PTPRN2: variants seen among roughly 807,000 people sequenced by gnomAD.
The protein encoded by PTPRN2 is protein tyrosine phosphatase receptor type N2, also known as receptor-type tyrosine-protein phosphatase N2.
Under a neutral mutation model 118.8 loss-of-function variants are expected in PTPRN2, and 74 were observed. The observed-to-expected ratio is 0.62, with a 90% confidence interval of 0.52 to 0.76. The LOEUF (loss-of-function observed/expected upper bound fraction) is 0.76. PTPRN2 is among the 30% of genes least tolerant of loss of function. The probability of loss-of-function intolerance (pLI) is 0.00; values close to 1 mark genes in which losing one functional copy is unlikely to be tolerated. For synonymous variants in PTPRN2, 641 were observed against 608.0 expected, an observed-to-expected ratio of 1.05 and a Z score of -0.80; for missense variants, 1,481 against 1,394.4, an observed-to-expected ratio of 1.06 and a Z score of -0.99.
chr7:158,303,514 C>G (rs1801048862), intron 3 of PTPRN2, among the ~76,000 whole-genome samples: 1 of 152,176 alleles, frequency 6.6e-6, no homozygotes, highest in Non-Finnish European at 1.5e-5. Context: ...ATGCATTATA[C>G]TAATTTACCA....
chr7:157,778,099 G>A (rs927543323), intron 12 of PTPRN2, among the ~76,000 whole-genome samples: 1 of 152,102 alleles, frequency 6.6e-6, no homozygotes, highest in Admixed American at 6.6e-5. Context: ...AGCAAACTCC[G>A]CGGTGACACC....
chr7:157,799,532 A>C (rs908287188), intron 12 of PTPRN2, among the ~76,000 whole-genome samples: 1 of 152,040 alleles, frequency 6.6e-6, no homozygotes, highest in Non-Finnish European at 1.5e-5. Context: ...GTCCTGCCCC[A>C]GCTCCATGTG....
At chr7:157,949,213 A>C (rs760012429) in intron 11 of PTPRN2, among the ~76,000 whole-genome samples, 1 of 152,238 alleles carries the variant, frequency 6.6e-6, no homozygotes, top group Non-Finnish European at 1.5e-5. Context: ...TAGGATCCAA[A>C]GTTGAAAGTA....
rs746766133 is a variant in PTPRN2 at position 158,526,197 on chromosome 7, G to A, written c.113-36412C>T. On this transcript the variant is annotated intron_variant, in intron 1 of 22. Transcript: ENST00000389418. The surrounding 1 kb of genome is among the most constrained non-coding windows in gnomAD (Gnocchi z 5.2). ...CGGCTCCTGGTGTTGGCAGGGTGCCGGCGGAATCCAGGGCAGGATTCACTT... is the reference window on the plus strand; with the variant it reads ...CGGCTCCTGGTGTTGGCAGGGTGCCAGCGGAATCCAGGGCAGGATTCACTT... Among the ~76,000 whole-genome samples the A allele has an allele frequency of 2.0e-5, 3 of 152,164 alleles. No homozygotes were observed. The highest frequency in any genetic ancestry group is 4.8e-5 in the African/African-American group (2 of 41,452).
At chr7:158,336,370 A>G (rs1413592920) in intron 2 of PTPRN2, among the ~76,000 whole-genome samples, 1 of 136,334 alleles carries the variant, frequency 7.3e-6, no homozygotes, top group African/African-American at 2.8e-5. Context: ...TCACCATAAG[A>G]GCTGACACAT....
intron 14 of PTPRN2, among the ~76,000 whole-genome samples, chr7:157,631,660 G>A (rs187159079): frequency 1.9e-4 from 29 of 151,992 alleles, no homozygotes; most frequent in Admixed American, 1.9e-3. Flanking sequence ...GTGAAACCCC[G>A]TCTCTGCTAA....
intron 8 of PTPRN2, 27 bp from the exon 9 acceptor site, chr7:158,134,086 A>T: frequency 6.3e-7 from 1 of 1,597,490 alleles, no homozygotes; most frequent in Non-Finnish European, 8.5e-7. Context: ...TCCGTGAGGG[A>T]CGTCTGCGAA....
chr7:157,930,335 A>G lies in PTPRN2; in HGVS notation c.1724-31598T>C, dbSNP rs1369383158. On this transcript the variant is annotated intron_variant, in intron 11 of 22. Transcript: ENST00000389418. ...CTTATTTTATCACAAACGTTGCATA[A>G]TAAAACATTCCTGGTGCCCCTCGTG... Among the ~76,000 whole-genome samples, 3 of 152,212 alleles carry G rather than the reference A, an allele frequency of 2.0e-5. No homozygotes were observed. The East Asian group carries it at 5.8e-4, about 29-fold the overall frequency.
intron 11 of PTPRN2, among the ~76,000 whole-genome samples, chr7:157,992,856 G>C (rs1168180101): frequency 2.0e-5 from 3 of 152,266 alleles, no homozygotes; most frequent in Admixed American, 6.5e-5. Context: ...TTCTGCTCAG[G>C]AAGCATAGAC....
chr7:158,506,698 C>T (rs953814845), intron 1 of PTPRN2, among the ~76,000 whole-genome samples: 8 of 151,868 alleles, frequency 5.3e-5, no homozygotes, highest in Admixed American at 2.6e-4. Context: ...GGAAGGGCCC[C>T]GATCCTCCCC....
chr7:157,698,512 G>A, intron 12 of PTPRN2, among the ~76,000 whole-genome samples: 1 of 152,184 alleles, frequency 6.6e-6, no homozygotes. Flanking sequence ...AGGATTGGCT[G>A]ACAAATATGT....
chr7:158,341,373 A>G, intron 2 of PTPRN2, among the ~76,000 whole-genome samples: 1 of 148,974 alleles, frequency 6.7e-6, no homozygotes, highest in South Asian at 2.1e-4. Context: ...TGCAGACGTC[A>G]CTCACACCCA....
intron 12 of PTPRN2, among the ~76,000 whole-genome samples, chr7:157,843,406 TG>T (rs375000796): frequency 0.012 from 1,771 of 152,242 alleles, 33 homozygotes; most frequent in African/African-American, 0.041. Context: ...GGGGCCGGCG[TG>T]GGGGTTTATG....
chr7:158,391,445 G>A (rs527303314), intron 2 of PTPRN2, among the ~76,000 whole-genome samples: 5 of 152,328 alleles, frequency 3.3e-5, no homozygotes, highest in African/African-American at 4.8e-5. Flanking sequence ...GAGGCCCGTC[G>A]GGAAAGAGAC....
chr7:158,217,175 C>T (rs768843842), intron 3 of PTPRN2, among the ~76,000 whole-genome samples: 3 of 152,168 alleles, frequency 2.0e-5, no homozygotes, highest in Non-Finnish European at 4.4e-5. Flanking sequence ...TGCCAGCAAC[C>T]ACCAATGGGG....
intron 2 of PTPRN2, among the ~76,000 whole-genome samples, chr7:158,477,959 GA>G (rs1820382241): frequency 2.0e-5 from 3 of 152,366 alleles, no homozygotes; most frequent in South Asian, 2.1e-4. Context: ...CCTTGGCCAG[GA>G]AAGAGGGAGG....
At chr7:158,358,693 C>T (rs967701354) in intron 2 of PTPRN2, among the ~76,000 whole-genome samples, 3 of 152,210 alleles carry the variant, frequency 2.0e-5, no homozygotes, top group Non-Finnish European at 4.4e-5. Flanking sequence ...CTGCCTTTAG[C>T]GTTCGGCTGC....
chr7:158,358,943 A>C (rs1451040643), intron 2 of PTPRN2, among the ~76,000 whole-genome samples: 1 of 152,220 alleles, frequency 6.6e-6, no homozygotes, highest in Non-Finnish European at 1.5e-5. Context: ...CTTATGTATA[A>C]GTTACTGAAA....
chr7:157,644,572 C>T (rs36056775), intron 14 of PTPRN2, among the ~76,000 whole-genome samples: 42,848 of 151,958 alleles, frequency 0.28, 6,220 homozygotes, highest in Non-Finnish European at 0.3. Flanking sequence ...CTGAGGCAGG[C>T]GGATCACGAG....
Sources: allele counts gnomAD v4.1 joint callset (sites outside exome capture counted in the v4.1 genomes callset), GRCh38; gene constraint gnomAD v4.1.1; non-coding constraint Gnocchi (gnomAD v3.1); transcripts MANE v1.5; gene names NCBI Gene and HGNC (gene_info 2026-07-23, HGNC 2026-07-21).